Variants in TUT7 observed in about 807,000 individuals in gnomAD.
TUT7 encodes terminal uridylyl transferase 7.
A neutral mutation model predicts 165.9 loss-of-function variants in TUT7; 33 were observed. The ratio of observed to expected loss-of-function variants is 0.20; its 90% CI spans 0.15 to 0.27. The LOEUF (loss-of-function observed/expected upper bound fraction) is 0.27, where lower values mean the gene tolerates loss of function less well. TUT7 is among the 10% of genes least tolerant of loss of function. The probability of loss-of-function intolerance (pLI) is 1.00; values close to 1 mark genes in which losing one functional copy is unlikely to be tolerated. For missense variants in TUT7, 1,338 were observed against 1,762.3 expected, an observed-to-expected ratio of 0.76 and a Z score of 4.31; for synonymous variants, 552 against 608.1, an observed-to-expected ratio of 0.91 and a Z score of 1.36.
intron 2 of TUT7, among the ~76,000 whole-genome samples, chr9:86,351,399 G>A (rs930572182): frequency 1.3e-5 from 2 of 151,960 alleles, no homozygotes; most frequent in African/African-American, 4.8e-5. Context: ...TCGCGCCACT[G>A]TACTCCAGCC....
At chr9:86,304,420 G>C (rs539026090) in intron 24 of TUT7, among the ~76,000 whole-genome samples, 112 of 152,268 alleles carry the variant, frequency 7.4e-4, no homozygotes, top group Middle Eastern at 3.4e-3. Context: ...AGAGATAGCT[G>C]TCTGCTACAG....
chr9:86,339,573 T>G (rs2131557398), intron 8 of TUT7, among the ~76,000 whole-genome samples: 1 of 152,262 alleles, frequency 6.6e-6, no homozygotes, highest in African/African-American at 2.4e-5. Flanking sequence ...TAAAAGAGTG[T>G]TTTCCCAAGA....
chr9:86,322,153 G>C (rs1053470921), intron 14 of TUT7, among the ~76,000 whole-genome samples, 172 bp downstream of exon 14: 2 of 152,158 alleles, frequency 1.3e-5, no homozygotes, highest in Admixed American at 6.5e-5. Flanking sequence ...GACATTTATT[G>C]CATGTCCCAA....
chr9:86,339,040 T>C (rs554469884), intron 8 of TUT7, 91 bp from the exon 9 acceptor site: 30 of 1,154,636 alleles, frequency 2.6e-5, no homozygotes, highest in Non-Finnish European at 3.2e-5. Context: ...ACAACTAATA[T>C]ACATGCATAA....
At chr9:86,299,104 G>A (rs1443812930) in intron 26 of TUT7, among the ~76,000 whole-genome samples, 2 of 152,126 alleles carry the variant, frequency 1.3e-5, no homozygotes, top group African/African-American at 2.4e-5. Flanking sequence ...CCAGCACAGC[G>A]CAAGGACATG....
chr9:86,334,114 G>T (rs1057362985), intron 10 of TUT7, among the ~76,000 whole-genome samples: 1 of 151,810 alleles, frequency 6.6e-6, no homozygotes, highest in Non-Finnish European at 1.5e-5. Context: ...CCCTTACTTA[G>T]ATGAGAAAGG....
At chr9:86,332,977 T>C (rs1195328768) in intron 10 of TUT7, among the ~76,000 whole-genome samples, 1 of 152,150 alleles carries the variant, frequency 6.6e-6, no homozygotes, top group Non-Finnish European at 1.5e-5. Flanking sequence ...TGCATCTGGG[T>C]CATCTTGGAG....
At chr9:86,293,102 G>A (rs1228460130) in intron 26 of TUT7, among the ~76,000 whole-genome samples, 8 of 152,162 alleles carry the variant, frequency 5.3e-5, no homozygotes, top group Non-Finnish European at 1.2e-4. Flanking sequence ...AAGTTGGCTA[G>A]ATCACACTAT....
chr9:86,328,559 T>A, intron 10 of TUT7, 67 bp from the exon 11 acceptor site: 1 of 1,355,060 alleles, frequency 7.4e-7, no homozygotes, highest in Non-Finnish European at 9.9e-7. Flanking sequence ...AGTCTACTAA[T>A]CTTGGAATAA....
chr9:86,330,099 C>T lies in TUT7; in HGVS notation c.1456-1607G>A, dbSNP rs532407901. On this transcript the variant is annotated intron_variant, in intron 10 of 26. Coordinates refer to ENST00000375963, the MANE Select transcript of TUT7 (RefSeq NM_024617.4). Reference sequence around the variant, plus strand: ...CTGAGGCAGAGTCTCACCCTGTTGCCCAGGCTGGAGTGCAGTGGCATGATC... The same window carrying T: ...CTGAGGCAGAGTCTCACCCTGTTGCTCAGGCTGGAGTGCAGTGGCATGATC... Among the ~76,000 whole-genome samples the T allele has an allele frequency of 4.6e-5, 7 of 152,180 alleles. No individual in the cohort carries two copies. The East Asian group carries it at 1.4e-3, about 29-fold the overall frequency.
At position 86,337,569 on chromosome 9, in the gene TUT7, T is replaced by C. The variant is rs777887737; in HGVS notation, c.1336-31A>G. On this transcript the variant is annotated intron_variant, in intron 9 of 26. Transcript: ENST00000375963. ...AACAAGAGAAAAGAAAGTTAAGCAT[T>C]CTTTTTGTATGAATTTGTCATTTAC... 5 of 1,580,874 alleles carry C rather than the reference T, an allele frequency of 3.2e-6. No homozygotes were observed. The South Asian group carries it at 5.8e-5, about 18-fold the overall frequency.
Position 86,323,699 on chromosome 9 carries a change from C to A in TUT7, c.2051G>T (p.Ser684Ile), listed in dbSNP as rs760952752. Residue 684 changes from serine (S) to isoleucine (I), a missense_variant, in exon 13 of 27, where the codon AGT becomes ATT. This residue lies in a region of TUT7 where 425 missense variants were observed against 474.9 expected (regional missense o/e 0.89). Coordinates refer to ENST00000375963, the MANE Select transcript of TUT7 (RefSeq NM_024617.4). The part of the protein sequence containing the change: ...SVLAQGPGAT[S>I]SAANTCKVQP... ...TACCTTACAGGTATTTGCAGCTGAACTGGTAGCACCAGGACCTTGGGCCAA... is the reference window on the plus strand; with the variant it reads ...TACCTTACAGGTATTTGCAGCTGAAATGGTAGCACCAGGACCTTGGGCCAA... 13 of 1,613,956 alleles carry A rather than the reference C, an allele frequency of 8.1e-6. No individual in the cohort carries two copies. The South Asian group carries it at 1.1e-4, about 14-fold the overall frequency.
intron 10 of TUT7, among the ~76,000 whole-genome samples, chr9:86,333,661 T>G (rs1830514093): frequency 6.6e-6 from 1 of 152,234 alleles, no homozygotes; most frequent in Non-Finnish European, 1.5e-5. Context: ...ATATTAATCA[T>G]TATTATTTTA....
intron 26 of TUT7, among the ~76,000 whole-genome samples, chr9:86,289,576 T>C (rs1481085888): frequency 6.6e-6 from 1 of 152,146 alleles, no homozygotes; most frequent in African/African-American, 2.4e-5. Flanking sequence ...AGTAATCCTG[T>C]AGGTAATCCT....
rs1831265761 is a variant in TUT7 at position 86,340,875 on chromosome 9, T to C, written c.1138+127A>G. ...ACTCTAGTTAATAATTCATGGGCAT[T>C]TGCTTTGGATATTACCCACATAAAT... On this transcript the variant is annotated intron_variant, in intron 7 of 26. Coordinates refer to ENST00000375963, the MANE Select transcript of TUT7 (RefSeq NM_024617.4). 3 of 680,404 alleles carry C rather than the reference T, an allele frequency of 4.4e-6. No individual in the cohort carries two copies. The South Asian group carries it at 5.1e-5, about 12-fold the overall frequency. 42.1% of individuals were successfully genotyped at this position (680,404 alleles called of 1,614,324 possible).
intron 15 of TUT7, 74 bp from the exon 16 acceptor site, chr9:86,319,132 T>C: frequency 9.8e-7 from 1 of 1,022,634 alleles, no homozygotes; most frequent in Non-Finnish European, 1.5e-6. Context: ...GGCCCTCTCA[T>C]GAATCAAAAA....
At position 86,347,229 on chromosome 9, in the gene TUT7, A is replaced by G. The variant is rs1045488769; in HGVS notation, c.521-749T>C. 3.3e-5 allele frequency among the ~76,000 whole-genome samples: 5 copies of G among 152,346 alleles called. No homozygotes were observed. The South Asian group carries it at 6.2e-4, about 19-fold the overall frequency. On this transcript the variant is annotated intron_variant, in intron 2 of 26. Transcript: ENST00000375963. ...GCCATTGAAACAAAAGTTTTCTCTAAGTACATTTGTTTATAAACTCTGCTA... is the reference window on the plus strand; with the variant it reads ...GCCATTGAAACAAAAGTTTTCTCTAGGTACATTTGTTTATAAACTCTGCTA...
At chr9:86,310,038 C>A in intron 18 of TUT7, 21 bp from the exon 19 acceptor site, 1 of 1,579,690 alleles carries the variant, frequency 6.3e-7, no homozygotes, top group Non-Finnish European at 8.7e-7. Flanking sequence ...GAAAATAACA[C>A]TATAAGACTA....
intron 5 of TUT7, 53 bp from the exon 6 acceptor site, chr9:86,343,216 A>G: frequency 4.3e-6 from 5 of 1,161,940 alleles, no homozygotes; most frequent in Non-Finnish European, 4.7e-6. Context: ...ATTTCTCAAA[A>G]GTTATAACAA....
Sources: allele counts gnomAD v4.1 joint callset (sites outside exome capture counted in the v4.1 genomes callset), GRCh38; gene constraint gnomAD v4.1.1; regional missense constraint gnomAD v4.1.1; transcripts MANE v1.5; gene names NCBI Gene and HGNC (gene_info 2026-07-23, HGNC 2026-07-21).